The following SPAG16 variants were observed in gnomAD, a reference collection of about 807,000 sequenced individuals.
SPAG16 encodes sperm-associated antigen 16 protein.
In SPAG16, 86 loss-of-function variants were observed where a neutral mutation model predicts 80.4. The ratio of observed to expected loss-of-function variants is 1.07; its 90% confidence interval spans 0.90 to 1.28. The LOEUF (loss-of-function observed/expected upper bound fraction) is 1.28, where lower values mean the gene tolerates loss of function less well. Ranked by LOEUF, SPAG16 falls within the 50% of genes most tolerant of loss-of-function variation. The pLI is 0.00. For synonymous variants in SPAG16, 294 were observed against 265.9 expected (o/e 1.11, Z -1.03); for missense variants, 870 against 765.3 (o/e 1.14, Z -1.61).
At chr2:213,368,850 T>G (rs2066473632) in intron 8 of SPAG16, among the ~76,000 whole-genome samples, 1 of 152,172 alleles carries the variant, frequency 6.6e-6, no homozygotes, top group Non-Finnish European at 1.5e-5. Context: ...AGAATCCAAC[T>G]TACAAAGGAT....
chr2:213,952,736 A>T (rs1015614306), intron 12 of SPAG16, among the ~76,000 whole-genome samples: 3 of 152,104 alleles, frequency 2.0e-5, no homozygotes, highest in African/African-American at 7.2e-5. Context: ...AAGAAATGTA[A>T]GGAATACTGT....
rs576986085 is a variant in SPAG16, at chr2:213,658,866, T to C, written c.1070+168776T>C. ...TCCTGGCCAACATGGTGAAACCCTG[T>C]CTCTACTAAAAATGCAAAAATTAGC... On this transcript the variant is annotated intron_variant, in intron 10 of 15. Coordinates refer to ENST00000331683, the MANE Select transcript of SPAG16 (RefSeq NM_024532.5). 4.5e-4 allele frequency among the ~76,000 whole-genome samples: 69 copies of C among 152,278 alleles called. No individual in the cohort carries two copies. The South Asian group carries it at 0.012, about 27-fold the overall frequency.
At chr2:214,356,954 G>A in intron 15 of SPAG16, among the ~76,000 whole-genome samples, 1 of 151,806 alleles carries the variant, frequency 6.6e-6, no homozygotes, top group East Asian at 1.9e-4. Context: ...TAATCTCAGT[G>A]TTTGTCTCTA....
chr2:214,374,765 A>G (rs1700028975), intron 15 of SPAG16, among the ~76,000 whole-genome samples: 1 of 152,204 alleles, frequency 6.6e-6, no homozygotes, highest in Non-Finnish European at 1.5e-5. Context: ...AAGTTGCATC[A>G]AAGTAGATGC....
intron 13 of SPAG16, among the ~76,000 whole-genome samples, chr2:214,100,371 T>C (rs1336877497): frequency 1.3e-5 from 2 of 152,078 alleles, no homozygotes; most frequent in East Asian, 1.9e-4. Flanking sequence ...TTCTCTGACA[T>C]TTAATTTATT....
At chr2:213,986,701 G>GT (rs1475044162) in intron 12 of SPAG16, among the ~76,000 whole-genome samples, 2 of 151,400 alleles carry the variant, frequency 1.3e-5, no homozygotes, top group African/African-American at 4.8e-5. Context: ...TCGTACTTTC[G>GT]TATTTCCTTA....
chr2:213,774,796 A>G (rs760237650), intron 10 of SPAG16, among the ~76,000 whole-genome samples: 16 of 152,188 alleles, frequency 1.1e-4, no homozygotes, highest in Non-Finnish European at 1.5e-4. Flanking sequence ...GACTCAACCT[A>G]TATTTTATCT....
intron 10 of SPAG16, among the ~76,000 whole-genome samples, chr2:213,723,910 T>C (rs984105710): frequency 2.0e-5 from 3 of 152,216 alleles, no homozygotes; most frequent in African/African-American, 7.2e-5. Flanking sequence ...AGGAAGTGCC[T>C]CATCAGCATG....
intron 9 of SPAG16, among the ~76,000 whole-genome samples, chr2:213,442,945 G>T (rs555137316): frequency 1.3e-5 from 2 of 152,172 alleles, no homozygotes; most frequent in South Asian, 4.1e-4. Flanking sequence ...CAAAGACATT[G>T]TCAAAAGAAT....
intron 11 of SPAG16, among the ~76,000 whole-genome samples, chr2:213,867,947 A>AAAAAAAAAAAAAAAAAAAAAAAAAAAC (rs2075767959): frequency 6.7e-6 from 1 of 148,828 alleles, no homozygotes; most frequent in Non-Finnish European, 1.5e-5. Flanking sequence ...AAAAAAAAAA[A>AAAAAAAAAAAAAAAAAAAAAAAAAAAC]AAAGATAGCT....
chr2:213,963,451 A>C (rs899264801), intron 12 of SPAG16, among the ~76,000 whole-genome samples: 25 of 152,234 alleles, frequency 1.6e-4, no homozygotes, highest in Non-Finnish European at 1.5e-5. Context: ...GGATTATTTT[A>C]TGGCCCACTA....
intron 10 of SPAG16, among the ~76,000 whole-genome samples, chr2:213,648,474 C>A (rs1415618111): frequency 6.6e-6 from 1 of 152,130 alleles, no homozygotes; most frequent in Non-Finnish European, 1.5e-5. Context: ...GCAGCTTCAG[C>A]AATGTAATGA....
At chr2:213,324,968 AT>A (rs1206139285) in intron 5 of SPAG16, among the ~76,000 whole-genome samples, 3 of 152,022 alleles carry the variant, frequency 2.0e-5, no homozygotes, top group African/African-American at 7.2e-5. Context: ...TATTTTTGAT[AT>A]GCATTTTCTG....
intron 15 of SPAG16, among the ~76,000 whole-genome samples, chr2:214,369,621 C>T (rs1445846924): frequency 2.6e-5 from 4 of 152,058 alleles, no homozygotes; most frequent in Non-Finnish European, 5.9e-5. Context: ...TGCCCCCACA[C>T]CTGGTTCCTG....
intron 15 of SPAG16, among the ~76,000 whole-genome samples, chr2:214,220,100 G>C (rs1332007353): frequency 6.6e-6 from 1 of 152,018 alleles, no homozygotes; most frequent in East Asian, 1.9e-4. Context: ...ACAAGATATA[G>C]AATATGATGT....
chr2:213,871,585 T>G (rs2075947082), intron 11 of SPAG16, among the ~76,000 whole-genome samples: 1 of 151,952 alleles, frequency 6.6e-6, no homozygotes. Flanking sequence ...TCTAATCTCT[T>G]GCATCTGGTT....
chr2:214,217,924 T>TA (rs1157464208), intron 15 of SPAG16, among the ~76,000 whole-genome samples: 1 of 152,176 alleles, frequency 6.6e-6, no homozygotes, highest in East Asian at 1.9e-4. Flanking sequence ...TTTATACTCT[T>TA]AAAAATGTTA....
chr2:213,405,997 GATA>G (rs2068589255), intron 9 of SPAG16, among the ~76,000 whole-genome samples: 1 of 152,168 alleles, frequency 6.6e-6, no homozygotes, highest in African/African-American at 2.4e-5. Context: ...TTTACATTTG[GATA>G]ATAAGAAGAG....
chr2:213,926,511 G>A (rs906629495), intron 11 of SPAG16, among the ~76,000 whole-genome samples: 2 of 151,356 alleles, frequency 1.3e-5, no homozygotes, highest in African/African-American at 2.4e-5. Flanking sequence ...TTTTTTTTCC[G>A]GATTTATTTC....
Sources: gnomAD v4.1 joint callset for allele counts (sites outside exome capture counted in the v4.1 genomes callset) on GRCh38, gnomAD v4.1.1 for gene constraint, MANE v1.5 for transcripts, NCBI Gene and HGNC (gene_info 2026-07-23, HGNC 2026-07-21) for gene names.